ANKRD31: variants seen among roughly 807,000 people sequenced by gnomAD.
The protein encoded by ANKRD31 is ankyrin repeat domain 31, also known as ankyrin repeat domain-containing protein 31.
Under a neutral mutation model 186.0 loss-of-function variants are expected in ANKRD31, and 147 were observed. That is an observed-to-expected ratio of 0.79 (90% confidence interval 0.69 to 0.91). The LOEUF is 0.91. ANKRD31 is among the 40% of genes least tolerant of loss of function. ANKRD31 has a pLI of 0.00. For synonymous variants in ANKRD31, 673 were observed against 736.4 expected, an observed-to-expected ratio of 0.91 and a Z score of 1.39; for missense variants, 1,986 against 2,148.8, an observed-to-expected ratio of 0.92 and a Z score of 1.50.
At chr5:75,069,846 T>C (rs1744075606) in intron 25 of ANKRD31, among the ~76,000 whole-genome samples, 1 of 152,024 alleles carries the variant, frequency 6.6e-6, no homozygotes, top group South Asian at 2.1e-4. Flanking sequence ...TGGCAAAGAG[T>C]CACATACAGA....
chr5:75,191,749 T>C (rs1310065504), intron 9 of ANKRD31, among the ~76,000 whole-genome samples: 1 of 152,072 alleles, frequency 6.6e-6, no homozygotes, highest in Non-Finnish European at 1.5e-5. Flanking sequence ...ACTTTCTTCT[T>C]ATAAGTATGA....
At chr5:75,224,319 A>T (rs2150312035) in intron 2 of ANKRD31, among the ~76,000 whole-genome samples, 1 of 151,880 alleles carries the variant, frequency 6.6e-6, no homozygotes, top group Non-Finnish European at 1.5e-5. Flanking sequence ...TGTACCAAAG[A>T]AACTTAGGAT....
chr5:75,234,517 G>C (rs1168158316), intron 1 of ANKRD31, among the ~76,000 whole-genome samples: 1 of 152,220 alleles, frequency 6.6e-6, no homozygotes, highest in East Asian at 1.9e-4. Context: ...AATAGTGTAA[G>C]ATCCAGTCTC....
chr5:75,227,601 G>T (rs1044058109), intron 2 of ANKRD31, among the ~76,000 whole-genome samples: 10 of 152,056 alleles, frequency 6.6e-5, no homozygotes, highest in African/African-American at 2.4e-4. Context: ...ACTTGACTCC[G>T]TAACTCCATT....
intron 3 of ANKRD31, among the ~76,000 whole-genome samples, chr5:75,212,433 C>T (rs1053724885): frequency 6.6e-6 from 1 of 151,904 alleles, no homozygotes; most frequent in Admixed American, 6.6e-5. Flanking sequence ...GGAAACATGG[C>T]AAAACCCAGT....
chr5:75,217,654 T>C (rs565713562), intron 3 of ANKRD31, among the ~76,000 whole-genome samples: 1 of 152,278 alleles, frequency 6.6e-6, no homozygotes, highest in Admixed American at 6.5e-5. Flanking sequence ...GGTATCACTG[T>C]ATGTGAGATG....
chr5:75,180,976 C>A (rs1394218029), intron 10 of ANKRD31, among the ~76,000 whole-genome samples: 3 of 151,410 alleles, frequency 2.0e-5, no homozygotes, highest in Non-Finnish European at 4.4e-5. Flanking sequence ...TTTTTGCAAC[C>A]TACTCATCTG....
chr5:75,098,185 G>C (rs2150044041), intron 22 of ANKRD31, among the ~76,000 whole-genome samples: 1 of 152,072 alleles, frequency 6.6e-6, no homozygotes, highest in Admixed American at 6.5e-5. Context: ...AGTAGAGATG[G>C]GGTTTCACTG....
chr5:75,165,334 T>C (rs531273924), intron 11 of ANKRD31, among the ~76,000 whole-genome samples: 2 of 152,282 alleles, frequency 1.3e-5, no homozygotes, highest in African/African-American at 4.8e-5. Flanking sequence ...AAAATAAACA[T>C]CATTAGTAGT....
In ANKRD31 at chr5:75,154,315, C is replaced by G. The variant is rs1752021148; in HGVS notation, c.1738G>C (p.Asp580His). 2 of 1,532,378 alleles carry G rather than the reference C, an allele frequency of 1.3e-6. No individual in the cohort carries two copies. The highest frequency in any genetic ancestry group is 1.7e-6 in the Non-Finnish European group (2 of 1,145,138). 94.9% of individuals were successfully genotyped at this position (1,532,378 alleles called of 1,614,324 possible). A position where few individuals can be genotyped will look rare whatever the true frequency, so the allele number is the denominator to read the frequency against. The stretch of plus-strand genomic sequence containing the variant: ...CCATCATCATTTCTAAATAATGGAT[C>G]AGCTCCATTCAGAAGAAGTAACTCT... ...VAELLLLNGA[D>H]PLFRNDDGKC... The change falls in exon 12 of 26, where the codon GAT (aspartate) becomes CAT (histidine). Residue 580 changes from aspartate to histidine, a missense_variant. Transcript: ENST00000506364.
intron 12 of ANKRD31, among the ~76,000 whole-genome samples, chr5:75,152,908 C>A (rs1422242558): frequency 6.6e-6 from 1 of 151,584 alleles, no homozygotes; most frequent in Admixed American, 6.6e-5. Context: ...TTTAATATAT[C>A]CATGTATATT....
At chr5:75,221,730 T>C (rs1189539359) in intron 3 of ANKRD31, among the ~76,000 whole-genome samples, 2 of 152,184 alleles carry the variant, frequency 1.3e-5, no homozygotes. Context: ...TCTCTTTTTC[T>C]TCCCCAGTCT....
Position 75,080,483 on chromosome 5 carries a change from CAAT to C in ANKRD31, c.5647+82_5647+84del, listed in dbSNP as rs1485927673. ...ATGGAGTGATATGCATAATATTTGA[CAAT>C]CTATTTGATCTATTTGCACAATATG... On this transcript the variant is annotated intron_variant, in intron 25 of 25. Coordinates refer to ENST00000506364, the MANE Select transcript of ANKRD31 (RefSeq NM_001372053.1). The C allele has an allele frequency of 1.0e-5, 9 of 863,058 alleles. No homozygotes were observed. The African/African-American group carries it at 1.6e-4, about 15-fold the overall frequency. 53.5% of individuals were successfully genotyped at this position (863,058 alleles called of 1,614,324 possible).
intron 21 of ANKRD31, among the ~76,000 whole-genome samples, chr5:75,107,272 C>T (rs1347160233): frequency 1.3e-5 from 2 of 151,966 alleles, no homozygotes; most frequent in Non-Finnish European, 2.9e-5. Context: ...TCATAAAATT[C>T]TCCACTGTAG....
At chr5:75,179,627 C>T (rs1050578545) in intron 10 of ANKRD31, among the ~76,000 whole-genome samples, 1 of 152,146 alleles carries the variant, frequency 6.6e-6, no homozygotes, top group Non-Finnish European at 1.5e-5. Flanking sequence ...GAACCAAAGA[C>T]AAAAACCACG....
chr5:75,084,101 C>A (rs6453111), intron 24 of ANKRD31, among the ~76,000 whole-genome samples, 171 bp downstream of exon 24: 1 of 151,916 alleles, frequency 6.6e-6, no homozygotes, highest in South Asian at 2.1e-4. Flanking sequence ...GGTGGTTGCA[C>A]GACATTGTGA....
At chr5:75,232,774 A>T (rs181673206) in intron 1 of ANKRD31, among the ~76,000 whole-genome samples, 17 of 152,260 alleles carry the variant, frequency 1.1e-4, no homozygotes, top group Admixed American at 7.2e-4. Context: ...ACTGTGACAT[A>T]CGGATTACTC....
At chr5:75,144,812 T>C (rs1228183495) in intron 14 of ANKRD31, among the ~76,000 whole-genome samples, 1 of 152,066 alleles carries the variant, frequency 6.6e-6, no homozygotes, top group Non-Finnish European at 1.5e-5. Flanking sequence ...ACAGGCAACC[T>C]ACTGAATGGA....
intron 22 of ANKRD31, among the ~76,000 whole-genome samples, chr5:75,103,390 C>T (rs1747069815): frequency 6.6e-6 from 1 of 152,202 alleles, no homozygotes; most frequent in South Asian, 2.1e-4. Context: ...AATGCTTTTA[C>T]ACTGTTGGTG....
Sources: gnomAD v4.1 joint callset for allele counts (sites outside exome capture counted in the v4.1 genomes callset) on GRCh38, gnomAD v4.1.1 for gene constraint, MANE v1.5 for transcripts, NCBI Gene and HGNC (gene_info 2026-07-23, HGNC 2026-07-21) for gene names.